CUL3: variants seen among roughly 807,000 people sequenced by gnomAD.
CUL3 encodes cullin 3, also known as cullin-3.
A neutral mutation model predicts 89.1 loss-of-function variants in CUL3; 19 were observed. That is an observed-to-expected ratio of 0.21 (90% CI 0.15 to 0.31). The LOEUF (loss-of-function observed/expected upper bound fraction) is 0.31, where lower values mean the gene tolerates loss of function less well. CUL3 is among the 10% of genes least tolerant of loss of function. The pLI, the probability that CUL3 is intolerant of heterozygous loss-of-function variation, is 1.00. For synonymous variants in CUL3, 351 were observed against 308.4 expected (o/e 1.14, Z -1.45); for missense variants, 469 against 942.3 (o/e 0.50, Z 6.58).
In CUL3 at chr2:224,471,615, TAGA is replaced by T. The variant is rs1392790782; in HGVS notation, c.*2627_*2629del. 1 of 208,316 alleles carries T rather than the reference TAGA, an allele frequency of 4.8e-6. No homozygotes were observed. The highest frequency in any genetic ancestry group is 9.8e-6 in the Non-Finnish European group (1 of 102,376). 12.9% of individuals were successfully genotyped at this position (208,316 alleles called of 1,614,324 possible). A position where few individuals can be genotyped will look rare whatever the true frequency, so the allele number is the denominator to read the frequency against. The stretch of plus-strand genomic sequence containing the variant: ...TACACAGGTGACTCTAGCATACCTT[TAGA>T]AAGGCATGCATCTCTTCCCCCATTC... On this transcript the variant is annotated 3_prime_UTR_variant, in exon 16 of 16. Coordinates refer to ENST00000264414, the MANE Select transcript of CUL3 (RefSeq NM_003590.5).
chr2:224,475,900 T>C (rs910353838), intron 15 of CUL3, among the ~76,000 whole-genome samples: 2 of 152,194 alleles, frequency 1.3e-5, no homozygotes, highest in South Asian at 2.1e-4. Context: ...TGAGTAAAGA[T>C]GTAGTTGTTA....
intron 1 of CUL3, among the ~76,000 whole-genome samples, chr2:224,570,613 G>A (rs1439426260): frequency 2.0e-5 from 3 of 151,952 alleles, no homozygotes; most frequent in South Asian, 2.1e-4. Flanking sequence ...GGGAGTGGGG[G>A]AGTGCTGCCA....
intron 3 of CUL3, among the ~76,000 whole-genome samples, chr2:224,522,030 C>T (rs769983149): frequency 8.1e-5 from 12 of 147,848 alleles, no homozygotes; most frequent in Non-Finnish European, 1.5e-4. Context: ...TGCTAGTAAG[C>T]TAGAGATAAA....
At chr2:224,522,091 C>T (rs1007656502) in intron 3 of CUL3, among the ~76,000 whole-genome samples, 1 of 144,938 alleles carries the variant, frequency 6.9e-6, no homozygotes, top group African/African-American at 2.5e-5. Context: ...AAAAAAGAGG[C>T]AAATAACTCT....
rs1692575205 is a variant in CUL3, at chr2:224,505,753, G to A, written c.1206+203C>T. The A allele has an allele frequency of 1.4e-5, 4 of 290,824 alleles. No homozygotes were observed. In the South Asian group the frequency reaches 4.3e-4, roughly 32 times the overall value. 18.0% of individuals were successfully genotyped at this position (290,824 alleles called of 1,614,324 possible). A position where few individuals can be genotyped will look rare whatever the true frequency, so the allele number is the denominator to read the frequency against. ...GCCCATCCAGTTGCTTGTTTTTGAA[G>A]CCAATTACACATTAAGTGAAATGTC... On this transcript the variant is annotated intron_variant, in intron 8 of 15. Coordinates refer to ENST00000264414, the MANE Select transcript of CUL3 (RefSeq NM_003590.5).
chr2:224,478,045 T>C (rs1392848091), intron 15 of CUL3, among the ~76,000 whole-genome samples, 155 bp downstream of exon 15: 1 of 152,248 alleles, frequency 6.6e-6, no homozygotes, highest in Non-Finnish European at 1.5e-5. Context: ...TGTATCACCA[T>C]GTTTAGTTAC....
At chr2:224,543,683 A>C (rs1694195213) in intron 2 of CUL3, among the ~76,000 whole-genome samples, 1 of 152,190 alleles carries the variant, frequency 6.6e-6, no homozygotes, top group African/African-American at 2.4e-5. Context: ...CTCAGCACTC[A>C]AAAAGTTTCG....
At chr2:224,503,169 T>G (rs1161262633) in intron 9 of CUL3, 97 bp from the exon 10 acceptor site, 6 of 817,898 alleles carry the variant, frequency 7.3e-6, no homozygotes, top group African/African-American at 1.7e-5. Context: ...TTGCTATCCC[T>G]GATAATCTTC....
chr2:224,549,053 G>A (rs1423846818), intron 2 of CUL3, among the ~76,000 whole-genome samples: 1 of 152,032 alleles, frequency 6.6e-6, no homozygotes. Context: ...TGTGGCTCAC[G>A]CCTGTAATCC....
At chr2:224,554,128 A>G (rs1257230673) in intron 2 of CUL3, among the ~76,000 whole-genome samples, 1 of 151,862 alleles carries the variant, frequency 6.6e-6, no homozygotes, top group Non-Finnish European at 1.5e-5. Flanking sequence ...ACACACAACT[A>G]CTGATGTTTT....
chr2:224,496,309 C>T (rs1191445268), intron 12 of CUL3, among the ~76,000 whole-genome samples: 2 of 152,170 alleles, frequency 1.3e-5, no homozygotes, highest in Non-Finnish European at 2.9e-5. Flanking sequence ...AGATTATGGG[C>T]GTGAGCCACC....
At chr2:224,486,394 T>C (rs568435190) in intron 13 of CUL3, among the ~76,000 whole-genome samples, 3 of 152,164 alleles carry the variant, frequency 2.0e-5, no homozygotes, top group African/African-American at 7.2e-5. Flanking sequence ...AACTGCTAAC[T>C]AGAATAACCA....
intron 3 of CUL3, chr2:224,532,917 T>TA (rs1363867243): frequency 2.0e-5 from 3 of 151,934 alleles, no homozygotes; most frequent in Non-Finnish European, 4.4e-5. Context: ...AAGAAAAACA[T>TA]AAAAGGGGAG....
intron 9 of CUL3, 136 bp downstream of exon 9, chr2:224,503,516 C>A: frequency 1.3e-6 from 1 of 781,156 alleles, no homozygotes; most frequent in Non-Finnish European, 1.9e-6. Flanking sequence ...CTGTGTTCTT[C>A]TCCAAAACAA....
At chr2:224,575,052 G>C (rs568648501) in intron 1 of CUL3, among the ~76,000 whole-genome samples, 3 of 152,304 alleles carry the variant, frequency 2.0e-5, no homozygotes, top group East Asian at 3.9e-4. Flanking sequence ...CCTTCTCTGA[G>C]ACCAGAGGGA....
chr2:224,533,967 T>A (rs6751391), intron 3 of CUL3, among the ~76,000 whole-genome samples: 2 of 151,944 alleles, frequency 1.3e-5, no homozygotes, highest in African/African-American at 4.8e-5. Context: ...TTCCCAAACA[T>A]TGCTTTATTC....
At chr2:224,575,494 C>A (rs1695278146) in intron 1 of CUL3, among the ~76,000 whole-genome samples, 2 of 152,050 alleles carry the variant, frequency 1.3e-5, no homozygotes, top group Non-Finnish European at 2.9e-5. Context: ...AGTGACAGCA[C>A]CATGGCTTGG....
chr2:224,477,479 T>C (rs1444002267), intron 15 of CUL3, among the ~76,000 whole-genome samples: 1 of 152,238 alleles, frequency 6.6e-6, no homozygotes, highest in African/African-American at 2.4e-5. Context: ...CATTCTCATA[T>C]AGCTAATTCC....
intron 8 of CUL3, among the ~76,000 whole-genome samples, chr2:224,504,584 A>T (rs749596845): frequency 4.6e-5 from 7 of 152,220 alleles, no homozygotes; most frequent in African/African-American, 7.2e-5. Context: ...CTGGGATTAC[A>T]AGCGTGAGCC....
Sources: allele counts gnomAD v4.1 joint callset (sites outside exome capture counted in the v4.1 genomes callset), GRCh38; gene constraint gnomAD v4.1.1; transcripts MANE v1.5; gene names NCBI Gene and HGNC (gene_info 2026-07-23, HGNC 2026-07-21).